SLCO3A1: variants seen among roughly 807,000 people sequenced by gnomAD.
The protein encoded by SLCO3A1 is PGE1 transporter.
SLCO3A1 carries 27 observed loss-of-function variants against 63.1 expected under a neutral mutation model. That is an observed-to-expected ratio of 0.43 (90% CI 0.32 to 0.59). The LOEUF is 0.59. Ranked by LOEUF, SLCO3A1 falls within the 20% of genes least tolerant of loss-of-function variation. The pLI is 0.09. For missense variants in SLCO3A1, 773 were observed against 945.8 expected, an observed-to-expected ratio of 0.82 and a Z score of 2.40; for synonymous variants, 473 against 409.9, an observed-to-expected ratio of 1.15 and a Z score of -1.86.
intron 2 of SLCO3A1, among the ~76,000 whole-genome samples, chr15:92,074,732 T>C (rs999048582): frequency 2.6e-5 from 4 of 151,698 alleles, no homozygotes; most frequent in Non-Finnish European, 5.9e-5. Context: ...ATTAAGCAAC[T>C]CATGTTGATT....
intron 2 of SLCO3A1, among the ~76,000 whole-genome samples, chr15:91,937,571 T>C (rs968326399): frequency 2.6e-5 from 4 of 151,928 alleles, no homozygotes; most frequent in African/African-American, 9.7e-5. Context: ...TACAAAAAAT[T>C]AGCTGGGTCT....
chr15:92,117,770 T>A (rs1406802214), intron 4 of SLCO3A1, among the ~76,000 whole-genome samples: 2 of 152,208 alleles, frequency 1.3e-5, no homozygotes, highest in Admixed American at 1.3e-4. Context: ...TTTATGAGGA[T>A]AGACTTGTAA....
Position 92,163,375 on chromosome 15 carries a change from G to A in SLCO3A1, c.*240G>A, listed in dbSNP as rs1261915334. ...TCCTGGAGGCCACTTGCGCGGCTGG[G>A]CCACAGAGTCTACTTTGAAGGCACC... On this transcript the variant is annotated 3_prime_UTR_variant, in exon 10 of 10. Transcript: ENST00000318445. The A allele has an allele frequency of 6.4e-5, 73 of 1,146,926 alleles. No homozygotes were observed. The highest frequency in any genetic ancestry group is 7.7e-5 in the Non-Finnish European group (72 of 934,932). 71.0% of individuals were successfully genotyped at this position (1,146,926 alleles called of 1,614,324 possible).
intron 9 of SLCO3A1, chr15:92,157,100 C>T (rs2283453): frequency 0.76 from 115,250 of 152,102 alleles, 44,286 homozygotes; most frequent in African/African-American, 0.89. Flanking sequence ...TAGTAAGATT[C>T]AGTCCTTTTA....
Position 92,104,422 on chromosome 15 carries a change from A to G in SLCO3A1, c.889A>G (p.Met297Val). 6.2e-7 allele frequency: 1 copy of G among 1,614,100 alleles called. No individual in the cohort carries two copies. The highest frequency in any genetic ancestry group is 1.3e-5 in the African/African-American group (1 of 75,022). The change falls in exon 4 of 10, where the codon ATG becomes GTG. Residue 297 changes from methionine (M) to valine (V), a missense_variant. Met to Val is a conservative substitution (Grantham distance 21). Coordinates refer to ENST00000318445, the MANE Select transcript of SLCO3A1 (RefSeq NM_013272.4). ...CCTGCCCCCGCACTCAGAGCCCGCCATGGAAAGCGAGCAGGCCATGCTCTC... is the reference window on the plus strand; with the variant it reads ...CCTGCCCCCGCACTCAGAGCCCGCCGTGGAAAGCGAGCAGGCCATGCTCTC... Reference protein sequence around the residue: ...QSLPPHSEPAMESEQAMLSER... With the variant: ...QSLPPHSEPAVESEQAMLSER...
chr15:91,933,672 A>G (rs1899310803), intron 2 of SLCO3A1, among the ~76,000 whole-genome samples: 1 of 152,232 alleles, frequency 6.6e-6, no homozygotes, highest in African/African-American at 2.4e-5. Context: ...TCAGTGCTTT[A>G]CATAAAGTAA....
intron 2 of SLCO3A1, among the ~76,000 whole-genome samples, chr15:91,974,016 A>T (rs1900990058): frequency 6.6e-6 from 1 of 152,080 alleles, no homozygotes; most frequent in Non-Finnish European, 1.5e-5. Flanking sequence ...GCCTATTGGT[A>T]CCTGTTCTGT....
chr15:91,953,916 G>A (rs1900082083), intron 2 of SLCO3A1, among the ~76,000 whole-genome samples: 1 of 152,136 alleles, frequency 6.6e-6, no homozygotes, highest in Non-Finnish European at 1.5e-5. Flanking sequence ...TGGATTGATT[G>A]GAACAGTGAA....
rs139498958 is a variant in SLCO3A1 at position 91,949,523 on chromosome 15, C to T, written c.646+33065C>T. On this transcript the variant is annotated intron_variant, in intron 2 of 9. Transcript: ENST00000318445. ...TATGTACCTGTAATCCTAGCTACTCCGGAGGCTGAGGCACAAGACACACTT... is the reference window on the plus strand; with the variant it reads ...TATGTACCTGTAATCCTAGCTACTCTGGAGGCTGAGGCACAAGACACACTT... Among the ~76,000 whole-genome samples, 89 of 152,098 alleles carry T rather than the reference C, an allele frequency of 5.9e-4. 1 individual carries two copies. The East Asian group carries it at 0.014, about 24-fold the overall frequency.
intron 2 of SLCO3A1, among the ~76,000 whole-genome samples, chr15:92,016,204 TATAGATAGATAGATAGATAGATAGATAG>T (rs1039964856): frequency 8.3e-6 from 1 of 120,122 alleles, no homozygotes; most frequent in Non-Finnish European, 1.7e-5. Context: ...TATATATTTA[TATAGATAGATAGATAGATAGATAGATAG>T]ATAGATAGAT....
At chr15:92,156,478 C>A (rs1002501295) in intron 9 of SLCO3A1, among the ~76,000 whole-genome samples, 2 of 152,220 alleles carry the variant, frequency 1.3e-5, no homozygotes, top group Non-Finnish European at 2.9e-5. Flanking sequence ...GAGCCTAGCT[C>A]TGCCTTTCCT....
chr15:92,069,329 A>G (rs913279948), intron 2 of SLCO3A1, among the ~76,000 whole-genome samples: 3 of 152,206 alleles, frequency 2.0e-5, no homozygotes, highest in African/African-American at 7.2e-5. Context: ...CAATCCAGAT[A>G]GATACGCAGA....
intron 2 of SLCO3A1, among the ~76,000 whole-genome samples, chr15:92,070,724 G>A (rs9989284): frequency 0.66 from 99,402 of 151,368 alleles, 33,126 homozygotes; most frequent in Admixed American, 0.79. Flanking sequence ...GGAGGAGTGG[G>A]AGGGGGCAGA....
At position 92,141,336 on chromosome 15, in the gene SLCO3A1, T is replaced by G. The variant is rs200162854; in HGVS notation, c.1513-5648T>G. Among the ~76,000 whole-genome samples the G allele has an allele frequency of 2.0e-5, 3 of 152,190 alleles. No individual in the cohort carries two copies. The East Asian group carries it at 5.8e-4, about 29-fold the overall frequency. ...GAAATCTGGTATGCTTTCTTACTAGTTAATTGTCTTAGGGACAGCCAGAGA... is the reference window on the plus strand; with the variant it reads ...GAAATCTGGTATGCTTTCTTACTAGGTAATTGTCTTAGGGACAGCCAGAGA... On this transcript the variant is annotated intron_variant, in intron 7 of 9. Coordinates refer to ENST00000318445, the MANE Select transcript of SLCO3A1 (RefSeq NM_013272.4).
At chr15:91,931,821 A>ACACACACT (rs1323570307) in intron 2 of SLCO3A1, among the ~76,000 whole-genome samples, 6 of 151,380 alleles carry the variant, frequency 4.0e-5, no homozygotes, top group East Asian at 1.9e-4. Context: ...ACACACACAC[A>ACACACACT]CTCACACAGG....
intron 2 of SLCO3A1, among the ~76,000 whole-genome samples, chr15:92,084,181 G>C (rs956813502): frequency 2.6e-5 from 4 of 152,170 alleles, no homozygotes. Context: ...ATATGAGAAC[G>C]ATGCTAATCC....
At chr15:92,103,418 C>T (rs1287775359) in intron 3 of SLCO3A1, among the ~76,000 whole-genome samples, 1 of 152,162 alleles carries the variant, frequency 6.6e-6, no homozygotes, top group Non-Finnish European at 1.5e-5. Context: ...AATAGTGGTA[C>T]AGTGCCACCA....
At chr15:92,065,306 C>G (rs1326715855) in intron 2 of SLCO3A1, among the ~76,000 whole-genome samples, 1 of 151,968 alleles carries the variant, frequency 6.6e-6, no homozygotes, top group Non-Finnish European at 1.5e-5. Flanking sequence ...AGGCTGGTCT[C>G]AAAACTCCTG....
In SLCO3A1 at chr15:91,968,798, C is replaced by T. The variant is rs1433551905; in HGVS notation, c.646+52340C>T. 2.0e-5 allele frequency among the ~76,000 whole-genome samples: 3 copies of T among 152,210 alleles called. No individual in the cohort carries two copies. Among genetic ancestry groups the T allele is most frequent in the Non-Finnish European group, 2.9e-5 (2 of 68,032 alleles). ...CGCTCACAGCAGGCACTGCACTGTC[C>T]GTGGTTACCCTTAGGGTGGCGCTGT... On this transcript the variant is annotated intron_variant, in intron 2 of 9. Transcript: ENST00000318445. This position sits in a 1 kb window ranked among gnomAD's most constrained non-coding sequence, Gnocchi z 4.2.
Sources: allele counts gnomAD v4.1 joint callset (sites outside exome capture counted in the v4.1 genomes callset), GRCh38; gene constraint gnomAD v4.1.1; non-coding constraint Gnocchi (gnomAD v3.1); transcripts MANE v1.5; gene names NCBI Gene and HGNC (gene_info 2026-07-23, HGNC 2026-07-21).